ZNF469: variants seen among roughly 807,000 people sequenced by gnomAD.
The protein encoded by ZNF469 is zinc finger protein 469.
ZNF469 carries 1 observed loss-of-function variant against 1.0 expected under a neutral mutation model. The ratio of observed to expected loss-of-function variants is 1.00; its 90% CI spans 0.35 to 4.73. The LOEUF (loss-of-function observed/expected upper bound fraction) is 4.73, where lower values mean the gene tolerates loss of function less well. Ranked by LOEUF, ZNF469 falls within the 30% of genes most tolerant of loss-of-function variation. The probability of loss-of-function intolerance (pLI) is 0.16; values close to 1 mark genes in which losing one functional copy is unlikely to be tolerated. For missense variants in ZNF469, 6,100 were observed against 5,356.3 expected (o/e 1.14, Z -4.33); for synonymous variants, 2,703 against 2,363.4 (o/e 1.14, Z -4.17).
chr16:88,367,263 T>G, the ZNF469 span, among the ~76,000 whole-genome samples: 1 of 152,242 alleles, frequency 6.6e-6, no homozygotes, highest in Non-Finnish European at 1.5e-5. Flanking sequence ...CCCCACGCTC[T>G]CATCTCAATG....
chr16:88,119,581 G>A, the ZNF469 span, among the ~76,000 whole-genome samples: 9 of 152,210 alleles, frequency 5.9e-5, no homozygotes, highest in Admixed American at 3.9e-4. Flanking sequence ...CCTGGGTCAC[G>A]GGGCCGGCAG....
the ZNF469 span, among the ~76,000 whole-genome samples, chr16:88,158,694 G>A: frequency 6.6e-6 from 1 of 152,230 alleles, no homozygotes; most frequent in Non-Finnish European, 1.5e-5. Flanking sequence ...CCTCTGCTGG[G>A]GAGCTCTGCT....
At chr16:88,303,654 G>A in the ZNF469 span, among the ~76,000 whole-genome samples, 74 of 152,318 alleles carry the variant, frequency 4.9e-4, no homozygotes, top group East Asian at 4.2e-3. Flanking sequence ...TGGCTCCGGC[G>A]GTGCCTCCAC....
the ZNF469 span, among the ~76,000 whole-genome samples, chr16:88,349,858 C>CAAT: frequency 2.7e-3 from 1 of 376 alleles, no homozygotes; most frequent in Non-Finnish European, 5.4e-3. Flanking sequence ...CACAAGTGCA[C>CAAT]ACACACCATG....
the ZNF469 span, among the ~76,000 whole-genome samples, chr16:88,120,510 G>C: frequency 6.6e-6 from 1 of 152,240 alleles, no homozygotes; most frequent in Non-Finnish European, 1.5e-5. Flanking sequence ...TTACTGTGAC[G>C]GTCACCTGGA....
chr16:88,398,562 C>T (rs62047069), intron 1 of ZNF469, among the ~76,000 whole-genome samples: 38,240 of 146,894 alleles, frequency 0.26, 5,399 homozygotes, highest in African/African-American at 0.4. Flanking sequence ...GAAGAGAATG[C>T]GCGAGCCACA....
chr16:88,153,246 G>T, the ZNF469 span, among the ~76,000 whole-genome samples: 3 of 152,202 alleles, frequency 2.0e-5, no homozygotes, highest in East Asian at 1.9e-4. Context: ...TCCAATCAGG[G>T]TGTTCCGGGG....
chr16:88,156,092 G>C, the ZNF469 span, among the ~76,000 whole-genome samples: 1 of 152,114 alleles, frequency 6.6e-6, no homozygotes, highest in Non-Finnish European at 1.5e-5. Context: ...TATTAATCAG[G>C]TTATCTGTCT....
the ZNF469 span, among the ~76,000 whole-genome samples, chr16:88,271,362 G>A: frequency 1.5e-5 from 2 of 132,704 alleles, 1 homozygote; most frequent in Non-Finnish European, 3.4e-5. Context: ...AGGCGGCTTC[G>A]CAGACCATGA....
the ZNF469 span, among the ~76,000 whole-genome samples, chr16:88,155,108 G>A: frequency 2.0e-5 from 3 of 152,182 alleles, no homozygotes; most frequent in Non-Finnish European, 4.4e-5. Context: ...GCATTCCATG[G>A]GGTACAGGGC....
the ZNF469 span, among the ~76,000 whole-genome samples, chr16:88,108,937 TG>T: frequency 6.6e-6 from 1 of 152,168 alleles, no homozygotes; most frequent in Non-Finnish European, 1.5e-5. Flanking sequence ...GGCAGCCTCA[TG>T]AGTGAGCCTG....
chr16:88,342,877 A>G, the ZNF469 span, among the ~76,000 whole-genome samples: 1 of 152,170 alleles, frequency 6.6e-6, no homozygotes, highest in Middle Eastern at 3.2e-3. Context: ...GCAGGACGTC[A>G]TGTGTATTTG....
At chr16:88,227,237 G>C in the ZNF469 span, among the ~76,000 whole-genome samples, 1 of 152,210 alleles carries the variant, frequency 6.6e-6, no homozygotes, top group African/African-American at 2.4e-5. Context: ...GCGGGCACCT[G>C]ACTAGTCTTG....
chr16:88,270,674 G>A, the ZNF469 span, among the ~76,000 whole-genome samples: 1 of 152,174 alleles, frequency 6.6e-6, no homozygotes, highest in East Asian at 1.9e-4. Context: ...TCACTCCACG[G>A]GAAAATTCTC....
chr16:88,436,986 C>T lies in ZNF469; in HGVS notation c.9516C>T (p.Ala3172=), dbSNP rs577913880. The T allele has an allele frequency of 1.1e-3, 1,630 of 1,515,654 alleles. No homozygotes were observed. Among genetic ancestry groups the T allele is most frequent in the Non-Finnish European group, 1.1e-3 (1,280 of 1,133,760 alleles). 93.9% of individuals were successfully genotyped at this position (1,515,654 alleles called of 1,614,324 possible). A position where few individuals can be genotyped will look rare whatever the true frequency, so the allele number is the denominator to read the frequency against. Residue 3172 remains alanine, a synonymous_variant, in exon 3 of 3, where the codon GCC becomes GCT. Transcript: ENST00000565624. The part of the protein sequence containing the change: ...HLQERHAQSK[A]GPWACGMCLK... ...AGGAGAGGCACGCGCAGAGCAAGGC[C>T]GGGCCCTGGGCGTGCGGCATGTGCC...
rs772543055 is a variant in ZNF469, at chr16:88,416,931, AC to A, written c.-191-7875del. 5.6e-4 allele frequency among the ~76,000 whole-genome samples: 85 copies of A among 152,126 alleles called. 2 individuals are homozygous for A. Among genetic ancestry groups the A allele is most frequent in the Non-Finnish European group, 8.8e-4 (60 of 68,012 alleles). On this transcript the variant is annotated intron_variant, in intron 1 of 2. Coordinates refer to ENST00000565624, the MANE Select transcript of ZNF469 (RefSeq NM_001367624.2). Reference sequence around the variant, plus strand: ...GTCGGCGTCTACCCCAGGGCCTGGGACTGTCAGGTCAAGGTCAGCCACCCAC... The same window carrying A: ...GTCGGCGTCTACCCCAGGGCCTGGGATGTCAGGTCAAGGTCAGCCACCCAC...
upstream of ZNF469, among the ~76,000 whole-genome samples, chr16:88,379,060 A>C (rs912757821): frequency 1.3e-5 from 2 of 152,118 alleles, no homozygotes; most frequent in Admixed American, 1.3e-4. Context: ...AATCTGTCGG[A>C]GGCTTCTCGT....
At chr16:88,279,159 A>G in the ZNF469 span, among the ~76,000 whole-genome samples, 20 of 95,498 alleles carry the variant, frequency 2.1e-4, 1 homozygote, top group East Asian at 4.9e-4. Flanking sequence ...CTTGGTCAGT[A>G]CCGTGTAGAT....
the ZNF469 span, among the ~76,000 whole-genome samples, chr16:88,285,886 A>G: frequency 6.6e-6 from 1 of 152,262 alleles, no homozygotes; most frequent in Non-Finnish European, 1.5e-5. Flanking sequence ...TGTGGCCACA[A>G]GAAGGCCTCA....
Sources: gnomAD v4.1 joint callset for allele counts (sites outside exome capture counted in the v4.1 genomes callset) on GRCh38, gnomAD v4.1.1 for gene constraint, MANE v1.5 for transcripts, NCBI Gene and HGNC (gene_info 2026-07-23, HGNC 2026-07-21) for gene names.